The following KDM2B variants were observed in gnomAD, a reference collection of about 807,000 sequenced individuals.
KDM2B encodes the protein lysine-specific demethylase 2B.
In KDM2B, 26 loss-of-function variants were observed where a neutral mutation model predicts 150.0. That is an observed-to-expected ratio of 0.17 (90% CI 0.13 to 0.24). The LOEUF (loss-of-function observed/expected upper bound fraction) is 0.24. Among genes scored for constraint, KDM2B ranks in the 10% least tolerant of loss-of-function variants. The pLI is 1.00. For synonymous variants in KDM2B, 734 were observed against 729.5 expected (o/e 1.01, Z -0.10); for missense variants, 1,265 against 1,816.9 (o/e 0.70, Z 5.52).
At chr12:121,415,929 A>G in the KDM2B span, among the ~76,000 whole-genome samples, 1 of 143,960 alleles carries the variant, frequency 6.9e-6, no homozygotes, top group African/African-American at 2.6e-5. Context: ...AATTTGGATC[A>G]TGTTCTCTTT....
At chr12:121,538,897 A>G (rs1247257455) in intron 6 of KDM2B, among the ~76,000 whole-genome samples, 1 of 152,028 alleles carries the variant, frequency 6.6e-6, no homozygotes, top group Non-Finnish European at 1.5e-5. Flanking sequence ...GCCAAACCTC[A>G]CCACTAACCT....
chr12:121,557,691 C>G (rs1187757350), intron 4 of KDM2B, among the ~76,000 whole-genome samples: 1 of 152,142 alleles, frequency 6.6e-6, no homozygotes, highest in Non-Finnish European at 1.5e-5. Flanking sequence ...GGACCTGCCC[C>G]TAGAGACTTC....
chr12:121,580,345 T>C, intron 1 of KDM2B: 2 of 806,108 alleles, frequency 2.5e-6, no homozygotes, highest in Non-Finnish European at 2.9e-6. Context: ...TTGGGGGGGC[T>C]CTCGGCCCGG....
rs201266702 is a variant in KDM2B, at chr12:121,549,589, C to T, written c.447G>A (p.Thr149=). ...DVMDVNTQKG[T]EMSMSQFVRY... ...GCACAAACTGGGACATGCTCATCTC[C>T]GTGCCCTTCTGGGTGTTCACATCCA... Residue 149 remains threonine, a synonymous_variant, in exon 5 of 23, where the codon ACG becomes ACA. Coordinates refer to ENST00000377071, the MANE Select transcript of KDM2B (RefSeq NM_032590.5). The surrounding 1 kb of genome is among the most constrained non-coding windows in gnomAD (Gnocchi z 4.4). The T allele has an allele frequency of 1.2e-5, 20 of 1,611,580 alleles. No individual in the cohort carries two copies. The East Asian group carries it at 1.8e-4, about 14-fold the overall frequency.
At chr12:121,424,725 A>G (rs563708245), downstream of KDM2B, among the ~76,000 whole-genome samples, 89 of 151,496 alleles carry the variant, frequency 5.9e-4, no homozygotes, top group Non-Finnish European at 1.0e-3. Flanking sequence ...AAAAAAAAAA[A>G]GAAAAAAAAG....
intron 12 of KDM2B, among the ~76,000 whole-genome samples, chr12:121,463,240 C>G (rs1167876989): frequency 6.6e-6 from 1 of 151,870 alleles, no homozygotes; most frequent in Non-Finnish European, 1.5e-5. Context: ...CGCTTGAACC[C>G]AGGAAGCAGA....
At chr12:121,419,164 C>T in the KDM2B span, among the ~76,000 whole-genome samples, 1 of 152,124 alleles carries the variant, frequency 6.6e-6, no homozygotes, top group South Asian at 2.1e-4. Flanking sequence ...TTTATTGTAC[C>T]TTTTTTGTGT....
chr12:121,568,285 A>G (rs1841499008), intron 4 of KDM2B, among the ~76,000 whole-genome samples: 1 of 152,032 alleles, frequency 6.6e-6, no homozygotes, highest in South Asian at 2.1e-4. Context: ...CCTGGGCAAC[A>G]TGGTGAAATC....
At chr12:121,536,201 C>T in intron 6 of KDM2B, 3 of 613,330 alleles carry the variant, frequency 4.9e-6, no homozygotes, top group Non-Finnish European at 6.1e-6. Flanking sequence ...GCCTTTTGCA[C>T]CTCGCTTTCA....
intron 12 of KDM2B, among the ~76,000 whole-genome samples, chr12:121,480,920 G>GTT (rs112105685): frequency 1.5e-4 from 21 of 137,048 alleles, no homozygotes; most frequent in African/African-American, 3.8e-4. Context: ...AGTGAGAGGT[G>GTT]TTTTTTTTGT....
chr12:121,527,134 G>C (rs1267742070), intron 8 of KDM2B, among the ~76,000 whole-genome samples: 1 of 151,334 alleles, frequency 6.6e-6, no homozygotes, highest in Non-Finnish European at 1.5e-5. Flanking sequence ...TGCAAGCTCT[G>C]CCTCCCGGGT....
At chr12:121,579,995 A>T in intron 1 of KDM2B, 1 of 1,543,902 alleles carries the variant, frequency 6.5e-7, no homozygotes, top group Non-Finnish European at 8.7e-7. Context: ...TTTGGAAAAA[A>T]AAAAAAAAAA....
intron 8 of KDM2B, among the ~76,000 whole-genome samples, chr12:121,529,104 T>C (rs550361920): frequency 1.1e-4 from 16 of 152,312 alleles, no homozygotes; most frequent in African/African-American, 3.6e-4. Flanking sequence ...TACTAGTAAC[T>C]AAATCCAACA....
At chr12:121,490,539 C>G (rs1348729523) in intron 12 of KDM2B, among the ~76,000 whole-genome samples, 6 of 152,206 alleles carry the variant, frequency 3.9e-5, no homozygotes, top group African/African-American at 1.2e-4. Context: ...TGTCTGGCAG[C>G]TGAGCCAGGG....
At chr12:121,561,685 T>C (rs1469465647) in intron 4 of KDM2B, among the ~76,000 whole-genome samples, 1 of 152,160 alleles carries the variant, frequency 6.6e-6, no homozygotes, top group African/African-American at 2.4e-5. Flanking sequence ...GGGGGTCTAT[T>C]GGAAGCATTG....
chr12:121,516,254 A>G (rs1886182206), intron 9 of KDM2B: 2 of 316,494 alleles, frequency 6.3e-6, no homozygotes, highest in South Asian at 5.2e-5. Context: ...GGACACCATG[A>G]CCACCTGGGA....
chr12:121,547,348 C>T (rs935893315), intron 6 of KDM2B, among the ~76,000 whole-genome samples: 10 of 152,080 alleles, frequency 6.6e-5, no homozygotes, highest in Admixed American at 5.2e-4. Flanking sequence ...GGAGGAAAAC[C>T]GCCTACAAAG....
rs1889012286 is a variant in KDM2B, at chr12:121,546,055, T to A, written c.683+2822A>T. On this transcript the variant is annotated intron_variant, in intron 6 of 22. Transcript: ENST00000377071. ...CCCTAGTACCAGCTCTGGGGCACTG[T>A]GGGCCTCATCGCAGCTGCAAGTTCC... 3.3e-5 allele frequency among the ~76,000 whole-genome samples: 5 copies of A among 152,154 alleles called. No homozygotes were observed. In the South Asian group the frequency reaches 1.0e-3, roughly 31 times the overall value.
intron 8 of KDM2B, among the ~76,000 whole-genome samples, chr12:121,530,986 C>T (rs1887620276): frequency 6.6e-6 from 1 of 152,094 alleles, no homozygotes; most frequent in African/African-American, 2.4e-5. Flanking sequence ...AAGAGACCAG[C>T]TAACGTCACA....
Sources: gnomAD v4.1 joint callset for allele counts (sites outside exome capture counted in the v4.1 genomes callset) on GRCh38, gnomAD v4.1.1 for gene constraint, Gnocchi (gnomAD v3.1) non-coding constraint, MANE v1.5 for transcripts, NCBI Gene and HGNC (gene_info 2026-07-23, HGNC 2026-07-21) for gene names.